CCDC192: variants seen among roughly 807,000 people sequenced by gnomAD.
CCDC192 encodes the protein coiled-coil domain-containing protein 192.
At chr5:127,901,675 TC>T (rs1753041792) in intron 6 of CCDC192, among the ~76,000 whole-genome samples, 1 of 152,206 alleles carries the variant, frequency 6.6e-6, no homozygotes. Flanking sequence ...CTGCTCCCAG[TC>T]AGTCAGGGCT....
intron 5 of CCDC192, among the ~76,000 whole-genome samples, chr5:127,829,239 G>A (rs1021226691): frequency 6.6e-6 from 1 of 152,198 alleles, no homozygotes; most frequent in African/African-American, 2.4e-5. Context: ...CTAAGTACAT[G>A]TGGTGGTCAA....
chr5:127,714,565 T>C (rs1751514930), intron 2 of CCDC192, among the ~76,000 whole-genome samples: 1 of 151,964 alleles, frequency 6.6e-6, no homozygotes, highest in African/African-American at 2.4e-5. Context: ...ACTTTTGTAC[T>C]TTTTTTTAAG....
chr5:127,724,763 C>T (rs899899286), intron 2 of CCDC192, among the ~76,000 whole-genome samples: 1 of 150,500 alleles, frequency 6.6e-6, no homozygotes, highest in Non-Finnish European at 1.5e-5. Flanking sequence ...ACAGCAGAAT[C>T]GCTTGAACCT....
At chr5:127,909,690 T>C (rs1254662144) in intron 6 of CCDC192, among the ~76,000 whole-genome samples, 1 of 152,184 alleles carries the variant, frequency 6.6e-6, no homozygotes, top group Non-Finnish European at 1.5e-5. Context: ...CACTTCCTAA[T>C]AGCATTACTT....
At chr5:127,779,403 C>T (rs1756057307) in intron 3 of CCDC192, among the ~76,000 whole-genome samples, 1 of 152,090 alleles carries the variant, frequency 6.6e-6, no homozygotes, top group Non-Finnish European at 1.5e-5. Flanking sequence ...TTATGCCATT[C>T]TTCTGCCTCA....
intron 3 of CCDC192, among the ~76,000 whole-genome samples, chr5:127,787,352 ACCT>A (rs1756601256): frequency 6.6e-6 from 1 of 151,758 alleles, no homozygotes; most frequent in Non-Finnish European, 1.5e-5. Flanking sequence ...CATGGCACCT[ACCT>A]CCTCCTCACC....
chr5:127,796,819 G>C (rs1757190241), intron 3 of CCDC192, among the ~76,000 whole-genome samples: 1 of 152,046 alleles, frequency 6.6e-6, no homozygotes, highest in East Asian at 1.9e-4. Context: ...TGAGTGTTGA[G>C]GTCTTTGCAT....
intron 6 of CCDC192, among the ~76,000 whole-genome samples, chr5:127,894,513 T>C (rs1752825506): frequency 6.6e-6 from 1 of 152,180 alleles, no homozygotes; most frequent in Non-Finnish European, 1.5e-5. Context: ...TTTTAACTCA[T>C]TTATATAAAT....
intron 5 of CCDC192, among the ~76,000 whole-genome samples, chr5:127,843,198 C>G (rs1247137695): frequency 1.3e-5 from 2 of 150,884 alleles, no homozygotes; most frequent in Non-Finnish European, 2.9e-5. Flanking sequence ...CCATGCCCGG[C>G]TAATTTTTTT....
intron 6 of CCDC192, among the ~76,000 whole-genome samples, chr5:127,881,929 AT>A (rs1752370098): frequency 1.3e-5 from 2 of 152,180 alleles, no homozygotes; most frequent in Admixed American, 6.5e-5. Context: ...CTAAGGTTAA[AT>A]TTTAAAACAA....
chr5:127,897,688 C>A (rs574665698), intron 6 of CCDC192, among the ~76,000 whole-genome samples: 1 of 152,154 alleles, frequency 6.6e-6, no homozygotes, highest in South Asian at 2.1e-4. Context: ...TAGGAATTAG[C>A]CTTTAGAGAG....
intron 5 of CCDC192, among the ~76,000 whole-genome samples, chr5:127,860,362 T>A (rs762925641): frequency 9.2e-5 from 14 of 152,170 alleles, no homozygotes; most frequent in Non-Finnish European, 1.9e-4. Flanking sequence ...CTCTTAAAAT[T>A]TTCTCTGCTT....
At chr5:127,940,279 C>T (rs1177214273) in intron 6 of CCDC192, 1 of 152,088 alleles carries the variant, frequency 6.6e-6, no homozygotes, top group Non-Finnish European at 1.5e-5. Flanking sequence ...AAAAAGACTT[C>T]AGGCCTAAAA....
At chr5:127,759,680 G>A (rs1267642261) in intron 3 of CCDC192, among the ~76,000 whole-genome samples, 1 of 152,200 alleles carries the variant, frequency 6.6e-6, no homozygotes, top group Admixed American at 6.5e-5. Flanking sequence ...GGTCATAGCA[G>A]AACTGTGTAG....
chr5:127,753,734 C>T (rs1403886137), intron 2 of CCDC192, among the ~76,000 whole-genome samples: 1 of 150,630 alleles, frequency 6.6e-6, no homozygotes, highest in Non-Finnish European at 1.5e-5. Flanking sequence ...GCAGAGTCTA[C>T]ACATCTGCTA....
intron 5 of CCDC192, among the ~76,000 whole-genome samples, chr5:127,824,411 G>C (rs902943520): frequency 2.6e-5 from 4 of 152,138 alleles, no homozygotes. Flanking sequence ...CATTCAGTAA[G>C]GAAACAGAAC....
intron 2 of CCDC192, among the ~76,000 whole-genome samples, chr5:127,743,891 C>T (rs1036992765): frequency 6.6e-6 from 1 of 151,852 alleles, no homozygotes; most frequent in Admixed American, 6.6e-5. Flanking sequence ...GAGATCGAGA[C>T]CATCCTGGCT....
chr5:127,919,813 C>T (rs191425240), intron 6 of CCDC192, among the ~76,000 whole-genome samples: 2 of 152,226 alleles, frequency 1.3e-5, no homozygotes, highest in Admixed American at 6.5e-5. Context: ...CTCTCTGTGT[C>T]CCTCTGTCCC....
At position 127,781,759 on chromosome 5, in the gene CCDC192, G is replaced by A. The variant is rs145692124; in HGVS notation, c.223-15344G>A. Among the ~76,000 whole-genome samples the A allele has an allele frequency of 3.2e-4, 49 of 152,092 alleles. 1 individual carries two copies. In the East Asian group the frequency reaches 9.1e-3, roughly 28 times the overall value. On this transcript the variant is annotated intron_variant, in intron 3 of 6. Transcript: ENST00000514853. ...CTGGAGGTGTCTTTAGGGTTTTCAA[G>A]GTAAACAATCATGTCATCAGCCAAC...
Sources: allele counts gnomAD v4.1 joint callset (sites outside exome capture counted in the v4.1 genomes callset), GRCh38; gene constraint gnomAD v4.1.1; transcripts MANE v1.5; gene names NCBI Gene and HGNC (gene_info 2026-07-23, HGNC 2026-07-21).